EPHA3: variants seen among roughly 807,000 people sequenced by gnomAD.
The protein encoded by EPHA3 is EPH receptor A3.
In EPHA3, 42 loss-of-function variants were observed where a neutral mutation model predicts 107.1. The observed-to-expected ratio is 0.39, with a 90% CI of 0.31 to 0.51. The LOEUF (loss-of-function observed/expected upper bound fraction) is 0.51, where lower values mean the gene tolerates loss of function less well. Ranked by LOEUF, EPHA3 falls within the 20% of genes least tolerant of loss-of-function variation. The pLI, the probability that EPHA3 is intolerant of heterozygous loss-of-function variation, is 0.78. For missense variants in EPHA3, 1,183 were observed against 1,211.2 expected, an observed-to-expected ratio of 0.98 and a Z score of 0.35; for synonymous variants, 461 against 424.8, an observed-to-expected ratio of 1.09 and a Z score of -1.05.
chr3:89,408,306 A>G (rs1034136811), intron 9 of EPHA3, among the ~76,000 whole-genome samples, 175 bp downstream of exon 9: 33 of 152,164 alleles, frequency 2.2e-4, no homozygotes, highest in Non-Finnish European at 4.4e-4. Context: ...TCTGCATTAA[A>G]TAATTTTTAC....
intron 2 of EPHA3, among the ~76,000 whole-genome samples, chr3:89,181,248 T>C (rs1380963483): frequency 1.3e-5 from 2 of 152,036 alleles, no homozygotes; most frequent in Non-Finnish European, 2.9e-5. Context: ...GTAATAGGCA[T>C]GTTGAAGACC....
At chr3:89,243,373 A>G (rs1455687049) in intron 3 of EPHA3, among the ~76,000 whole-genome samples, 1 of 152,192 alleles carries the variant, frequency 6.6e-6, no homozygotes, top group Non-Finnish European at 1.5e-5. Context: ...TCCCACCAAC[A>G]GTGTAAAAGT....
intron 3 of EPHA3, among the ~76,000 whole-genome samples, chr3:89,246,294 G>C (rs1408568574): frequency 3.3e-5 from 5 of 152,144 alleles, no homozygotes; most frequent in African/African-American, 4.8e-5. Context: ...GCACTCAAAG[G>C]CTGAGAGAAA....
At chr3:89,449,488 T>G in intron 14 of EPHA3, 114 bp downstream of exon 14, 1 of 874,666 alleles carries the variant, frequency 1.1e-6, no homozygotes, top group Non-Finnish European at 1.6e-6. Flanking sequence ...AAATAAAATA[T>G]TTAGCAGCAA....
intron 16 of EPHA3, 123 bp downstream of exon 16, chr3:89,472,742 T>G: frequency 2.6e-6 from 3 of 1,132,698 alleles, no homozygotes; most frequent in Non-Finnish European, 3.7e-6. Context: ...TCTGAGGTAC[T>G]GACTACCGCC....
At chr3:89,287,271 T>C (rs754002875) in intron 3 of EPHA3, among the ~76,000 whole-genome samples, 35 of 152,292 alleles carry the variant, frequency 2.3e-4, no homozygotes, top group Non-Finnish European at 4.3e-4. Context: ...ATTTTACGGA[T>C]GGGAGAATTT....
rs1340955955 is a variant in EPHA3, at chr3:89,417,835, A to G, written c.1889-1370A>G. On this transcript the variant is annotated intron_variant, in intron 10 of 16. Transcript: ENST00000336596. ...AGTTGCTATTATGAATATTTATTAA[A>G]TAAATGCATGAATATCTGCTTTTGG... 4.0e-5 allele frequency among the ~76,000 whole-genome samples: 6 copies of G among 151,480 alleles called. No homozygotes were observed. In the South Asian group the frequency reaches 8.3e-4, roughly 21 times the overall value.
chr3:89,238,830 G>T (rs753001444), intron 3 of EPHA3, among the ~76,000 whole-genome samples: 1 of 152,074 alleles, frequency 6.6e-6, no homozygotes, highest in African/African-American at 2.4e-5. Context: ...ACTACTCATA[G>T]TGTTTATAAT....
At chr3:89,345,870 G>A (rs1056912897) in intron 5 of EPHA3, among the ~76,000 whole-genome samples, 2 of 138,252 alleles carry the variant, frequency 1.4e-5, no homozygotes, top group African/African-American at 5.3e-5. Context: ...TGCGGTGTTT[G>A]GTTTTTTGTT....
intron 5 of EPHA3, among the ~76,000 whole-genome samples, chr3:89,346,427 T>A (rs1203520262): frequency 1.4e-5 from 2 of 147,092 alleles, no homozygotes; most frequent in Admixed American, 1.4e-4. Context: ...TTTTGAGAAG[T>A]GTCTGTTCAT....
chr3:89,431,067 C>A (rs1709557382), intron 12 of EPHA3, 83 bp from the exon 13 acceptor site: 1 of 1,403,444 alleles, frequency 7.1e-7, no homozygotes, highest in South Asian at 1.3e-5. Context: ...TTACAAAATT[C>A]AATATGTGAG....
intron 2 of EPHA3, among the ~76,000 whole-genome samples, chr3:89,180,783 C>T (rs1705426689): frequency 6.6e-6 from 1 of 151,832 alleles, no homozygotes. Context: ...GGTGGCAAAC[C>T]TGTACTTCAC....
At chr3:89,141,716 G>A (rs182421916) in intron 2 of EPHA3, among the ~76,000 whole-genome samples, 22 of 151,512 alleles carry the variant, frequency 1.5e-4, no homozygotes, top group African/African-American at 4.8e-4. Context: ...ACTTTAAAAA[G>A]AGATGTGATC....
chr3:89,399,820 T>C, intron 7 of EPHA3: 2 of 1,099,444 alleles, frequency 1.8e-6, no homozygotes, highest in South Asian at 4.4e-5. Context: ...TCCAGGTTCA[T>C]TGCGTGATTC....
chr3:89,130,441 A>G (rs1156895995), intron 2 of EPHA3, among the ~76,000 whole-genome samples: 1 of 152,160 alleles, frequency 6.6e-6, no homozygotes, highest in African/African-American at 2.4e-5. Context: ...TGAATCTTTC[A>G]TGGAATGCTT....
At chr3:89,401,340 C>G (rs1054295761) in intron 7 of EPHA3, among the ~76,000 whole-genome samples, 1 of 152,140 alleles carries the variant, frequency 6.6e-6, no homozygotes, top group East Asian at 1.9e-4. Flanking sequence ...TCCTCAAATA[C>G]GTAAATCTAT....
intron 3 of EPHA3, among the ~76,000 whole-genome samples, chr3:89,266,767 A>G (rs2346324): frequency 0.24 from 36,749 of 151,994 alleles, 4,870 homozygotes; most frequent in African/African-American, 0.37. Flanking sequence ...TTATTAAAAA[A>G]TAATCATTTA....
chr3:89,351,340 T>A (rs900632527), intron 5 of EPHA3, among the ~76,000 whole-genome samples: 6 of 151,268 alleles, frequency 4.0e-5, no homozygotes, highest in Admixed American at 2.6e-4. Context: ...TTTAAGCCGG[T>A]CTGAAAAGCG....
chr3:89,388,248 G>C (rs1210777717), intron 5 of EPHA3, among the ~76,000 whole-genome samples: 2 of 152,010 alleles, frequency 1.3e-5, no homozygotes, highest in Non-Finnish European at 2.9e-5. Context: ...TTTATTCCAA[G>C]GCTAACCAAA....
Sources: allele counts gnomAD v4.1 joint callset (sites outside exome capture counted in the v4.1 genomes callset), GRCh38; gene constraint gnomAD v4.1.1; transcripts MANE v1.5; gene names NCBI Gene and HGNC (gene_info 2026-07-23, HGNC 2026-07-21).